The following RETREG1 variants were observed in gnomAD, a reference collection of about 807,000 sequenced individuals.
The protein encoded by RETREG1 is reticulophagy regulator 1, also known as family with sequence similarity 134 member B.
Under a neutral mutation model 54.8 loss-of-function variants are expected in RETREG1, and 44 were observed. That is an observed-to-expected ratio of 0.80 (90% CI 0.63 to 1.03). The LOEUF is 1.03. Among genes scored for constraint, RETREG1 ranks in the 50% least tolerant of loss-of-function variants. RETREG1 has a pLI of 0.00. For missense variants in RETREG1, 554 were observed against 605.1 expected (o/e 0.92, Z 0.89); for synonymous variants, 217 against 238.5 (o/e 0.91, Z 0.83).
chr5:16,587,623 C>T (rs1423557223), intron 1 of RETREG1, among the ~76,000 whole-genome samples: 1 of 152,186 alleles, frequency 6.6e-6, no homozygotes, highest in Non-Finnish European at 1.5e-5. Flanking sequence ...GAACCCATTC[C>T]AATATACCTG....
chr5:16,504,886 C>T (rs1482902171), intron 3 of RETREG1, among the ~76,000 whole-genome samples: 5 of 152,084 alleles, frequency 3.3e-5, no homozygotes, highest in Admixed American at 6.5e-5. Context: ...CCTCCTCACC[C>T]GATTTTTTAA....
rs368457852 is a variant in RETREG1, at chr5:16,477,709, G to T, written c.953C>A (p.Thr318Asn). The T allele has an allele frequency of 6.8e-6, 11 of 1,613,006 alleles. No individual in the cohort carries two copies. The highest frequency in any genetic ancestry group is 1.3e-5 in the African/African-American group (1 of 74,858). ...VSEVSWTDNG[T>N]FNLSEGYTPQ... The stretch of plus-strand genomic sequence containing the variant: ...AGTGTATCCTTCTGAAAGGTTGAAG[G>T]TCCCATTATCAGTCCAGGATACCTC... Residue 318 changes from threonine to asparagine, a missense_variant, in exon 8 of 9, where the codon ACC becomes AAC. Thr to Asn is a moderately conservative substitution (Grantham distance 65). Around this residue, in one of 4 missense-constraint regions of RETREG1, gnomAD observed 347 missense variants for 412.3 expected, o/e 0.84. Transcript: ENST00000306320.
intron 3 of RETREG1, among the ~76,000 whole-genome samples, chr5:16,550,794 A>C (rs1372379141): frequency 5.9e-5 from 9 of 152,260 alleles, no homozygotes; most frequent in Admixed American, 4.6e-4. Flanking sequence ...AGCCATGGAA[A>C]GGAATGTAGT....
rs1373908801 is a variant in RETREG1, at chr5:16,594,163, T to C, written c.321-22061A>G. ...GCACCATCGGAAACAAAAGCTGGCA[T>C]GTACACAGAATTAAACTTCTCAGTC... On this transcript the variant is annotated intron_variant, in intron 1 of 8. Transcript: ENST00000306320. This position sits in a 1 kb window ranked among gnomAD's most constrained non-coding sequence, Gnocchi z 4.4. 6.6e-6 allele frequency among the ~76,000 whole-genome samples: 1 copy of C among 152,234 alleles called. No individual in the cohort carries two copies.
rs372401503 is a variant in RETREG1, at chr5:16,478,913, C to G, written c.745G>C (p.Val249Leu). The change falls in exon 6 of 9, where the codon GTT becomes CTT. Residue 249 changes from valine (V) to leucine (L), a missense_variant. By Grantham distance (32) the Val-to-Leu change is conservative. Around this residue, in one of 4 missense-constraint regions of RETREG1, gnomAD observed 347 missense variants for 412.3 expected, o/e 0.84. Coordinates refer to ENST00000306320, the MANE Select transcript of RETREG1 (RefSeq NM_001034850.3). ...ATTCCAAAATCCAGTTTCAGCAGAA[C>G]TGACTTAATTTTGCTGTAAATTTTT... The part of the protein sequence containing the change: ...GQKIYSKIKS[V>L]LLKLDFGIGE... 1 of 1,611,950 alleles carries G rather than the reference C, an allele frequency of 6.2e-7. No homozygotes were observed. The highest frequency in any genetic ancestry group is 1.7e-5 in the Admixed American group (1 of 59,884).
chr5:16,536,160 C>T (rs986546257), intron 3 of RETREG1, among the ~76,000 whole-genome samples: 1 of 152,182 alleles, frequency 6.6e-6, no homozygotes, highest in Non-Finnish European at 1.5e-5. Flanking sequence ...CTCTATCCCA[C>T]CCCAAGAAGG....
At chr5:16,503,706 T>G (rs1378659772) in intron 3 of RETREG1, among the ~76,000 whole-genome samples, 2 of 148,798 alleles carry the variant, frequency 1.3e-5, no homozygotes, top group East Asian at 3.9e-4. Flanking sequence ...GAAAACTAAA[T>G]AATTCCTTCC....
At chr5:16,565,897 GATCTCTAA>G in intron 2 of RETREG1, 104 bp from the exon 3 acceptor site, 1 of 1,216,052 alleles carries the variant, frequency 8.2e-7, no homozygotes, top group Non-Finnish European at 1.2e-6. Flanking sequence ...GGAATGCTCA[GATCTCTAA>G]CACTCAGGAC....
intron 3 of RETREG1, among the ~76,000 whole-genome samples, chr5:16,527,971 A>G (rs1030837129): frequency 3.3e-5 from 5 of 151,528 alleles, no homozygotes; most frequent in African/African-American, 1.2e-4. Flanking sequence ...CACCACACCC[A>G]GCTAATTTTT....
intron 3 of RETREG1, among the ~76,000 whole-genome samples, chr5:16,552,334 A>T (rs988198323): frequency 1.3e-5 from 2 of 152,322 alleles, no homozygotes; most frequent in Non-Finnish European, 1.5e-5. Flanking sequence ...AGGATTCACA[A>T]TTCAAGATGA....
At chr5:16,558,148 T>C (rs937707756) in intron 3 of RETREG1, among the ~76,000 whole-genome samples, 1 of 152,248 alleles carries the variant, frequency 6.6e-6, no homozygotes, top group Non-Finnish European at 1.5e-5. Flanking sequence ...TAGTCTCATC[T>C]TCTCAGGGAA....
intron 3 of RETREG1, among the ~76,000 whole-genome samples, chr5:16,528,443 G>C (rs181026736): frequency 6.6e-6 from 1 of 152,276 alleles, no homozygotes; most frequent in African/African-American, 2.4e-5. Flanking sequence ...CCAGGTTCAA[G>C]GTCACCTTGT....
intron 1 of RETREG1, among the ~76,000 whole-genome samples, chr5:16,606,110 G>A (rs1190428263): frequency 6.6e-6 from 1 of 152,198 alleles, no homozygotes; most frequent in Non-Finnish European, 1.5e-5. Flanking sequence ...CAGCGAGGAG[G>A]TGGTGCCATG....
At chr5:16,519,739 C>T (rs556336704) in intron 3 of RETREG1, among the ~76,000 whole-genome samples, 69 of 152,290 alleles carry the variant, frequency 4.5e-4, no homozygotes, top group African/African-American at 1.6e-3. Context: ...CAGACACTGC[C>T]CAGTTGCACC....
At chr5:16,564,083 C>A (rs904950858) in intron 3 of RETREG1, among the ~76,000 whole-genome samples, 14 of 152,156 alleles carry the variant, frequency 9.2e-5, no homozygotes, top group Admixed American at 6.5e-4. Flanking sequence ...TGTATTTATA[C>A]AACTGCTGGG....
intron 3 of RETREG1, among the ~76,000 whole-genome samples, chr5:16,521,645 G>A (rs935279256): frequency 1.3e-5 from 2 of 152,196 alleles, no homozygotes; most frequent in Non-Finnish European, 2.9e-5. Context: ...CAACAAGGTT[G>A]GCCCTCAGCT....
At chr5:16,538,157 C>G (rs1401454287) in intron 3 of RETREG1, among the ~76,000 whole-genome samples, 3 of 152,258 alleles carry the variant, frequency 2.0e-5, no homozygotes, top group South Asian at 4.1e-4. Context: ...GACTCCCCAC[C>G]GGACCCCACC....
chr5:16,487,678 A>G (rs1739070778), intron 3 of RETREG1, among the ~76,000 whole-genome samples: 1 of 152,214 alleles, frequency 6.6e-6, no homozygotes, highest in African/African-American at 2.4e-5. Flanking sequence ...CCATTCTCCA[A>G]TCAAGCAATT....
In RETREG1 at chr5:16,475,340, G is replaced by A. The variant is rs189382938; in HGVS notation, c.1001-106C>T. The A allele has an allele frequency of 5.7e-5, 74 of 1,292,996 alleles. No homozygotes were observed. In the Middle Eastern group the frequency reaches 2.1e-3, roughly 36 times the overall value. 80.1% of individuals were successfully genotyped at this position (1,292,996 alleles called of 1,614,324 possible). On this transcript the variant is annotated intron_variant, in intron 8 of 8. Coordinates refer to ENST00000306320, the MANE Select transcript of RETREG1 (RefSeq NM_001034850.3). Reference sequence around the variant, plus strand: ...TTAATCTGAACCCTCTGGCAACCTTGGCATTCATCTAGCCTCCTGGGTCAA... The same window carrying A: ...TTAATCTGAACCCTCTGGCAACCTTAGCATTCATCTAGCCTCCTGGGTCAA...
Sources: gnomAD v4.1 joint callset for allele counts (sites outside exome capture counted in the v4.1 genomes callset) on GRCh38, gnomAD v4.1.1 for gene constraint, gnomAD v4.1.1 regional missense constraint, Gnocchi (gnomAD v3.1) non-coding constraint, MANE v1.5 for transcripts, NCBI Gene and HGNC (gene_info 2026-07-23, HGNC 2026-07-21) for gene names.